The following RANBP1 variants were observed in gnomAD, a reference collection of about 807,000 sequenced individuals.
RANBP1 encodes the protein ran-specific GTPase-activating protein.
In RANBP1, 16 loss-of-function variants were observed where a neutral mutation model predicts 31.4. The observed-to-expected ratio is 0.51, with a 90% CI of 0.34 to 0.77. The LOEUF (loss-of-function observed/expected upper bound fraction) is 0.77. Ranked by LOEUF, RANBP1 falls within the 30% of genes least tolerant of loss-of-function variation. RANBP1 has a pLI of 0.01. For missense variants in RANBP1, 265 were observed against 362.0 expected, an observed-to-expected ratio of 0.73 and a Z score of 2.17; for synonymous variants, 129 against 140.5, an observed-to-expected ratio of 0.92 and a Z score of 0.58.
intron 3 of RANBP1, 77 bp downstream of exon 3, chr22:20,122,498 G>A (rs1198983662): frequency 1.2e-6 from 2 of 1,604,674 alleles, no homozygotes; most frequent in Admixed American, 3.4e-5. Flanking sequence ...AGGGCTGATT[G>A]GGAACTGGGG....
chr22:20,122,723 CTGTG>C (rs544097533), intron 3 of RANBP1: 16,930 of 925,302 alleles, frequency 0.018, 19 homozygotes, highest in Non-Finnish European at 0.02. Flanking sequence ...CGAGGGGGTG[CTGTG>C]TGTGTGTGTG....
At chr22:20,117,428 G>A in intron 1 of RANBP1, 2 of 1,199,844 alleles carry the variant, frequency 1.7e-6, no homozygotes, top group East Asian at 7.8e-5. Context: ...CAATGAGAGT[G>A]TCCGCCTCCT....
rs746279096 is a variant in RANBP1 at position 20,126,540 on chromosome 22, C to T, written c.736+172C>T. On this transcript the variant is annotated intron_variant, in intron 5 of 5. Coordinates refer to ENST00000430524, the MANE Select transcript of RANBP1 (RefSeq NM_001278639.2). The stretch of plus-strand genomic sequence containing the variant: ...GGGGACACAGGTGCTTCCTGGGGAG[C>T]CCTGAGCACTTGTCAGTGTTGCTGG... 4.1e-5 allele frequency: 65 copies of T among 1,572,854 alleles called. No homozygotes were observed. The East Asian group carries it at 1.2e-3, about 30-fold the overall frequency.
chr22:20,122,287 C>T lies in RANBP1; in HGVS notation c.407C>T (p.Ala136Val), dbSNP rs763921981. The T allele has an allele frequency of 1.2e-6, 2 of 1,612,992 alleles. No individual in the cohort carries two copies. The highest frequency in any genetic ancestry group is 1.7e-6 in the Non-Finnish European group (2 of 1,179,740). ...AGGCGGGCAAAACTGTTCCGATTTGCCTCTGAGAACGATCTCCCAGAATGG... is the reference window on the plus strand; with the variant it reads ...AGGCGGGCAAAACTGTTCCGATTTGTCTCTGAGAACGATCTCCCAGAATGG... ...FKMRAKLFRF[A>V]SENDLPEWKE... Residue 136 changes from alanine to valine, a missense_variant, in exon 3 of 6, where the codon GCC becomes GTC. By Grantham distance (64) the Ala-to-Val change is moderately conservative. This residue lies in a region of RANBP1 where 90 missense variants were observed against 190.5 expected (regional missense o/e 0.47). Coordinates refer to ENST00000430524, the MANE Select transcript of RANBP1 (RefSeq NM_001278639.2).
rs191063910 is a variant in RANBP1 at position 20,119,756 on chromosome 22, C to A, written c.383+607C>A. On this transcript the variant is annotated intron_variant, in intron 2 of 5. Transcript: ENST00000430524. ...GGTCTCGATCTCCTGACCTCATGATCTGCCCACCCCAGCCTCCCAAAGTGC... is the reference window on the plus strand; with the variant it reads ...GGTCTCGATCTCCTGACCTCATGATATGCCCACCCCAGCCTCCCAAAGTGC... Among the ~76,000 whole-genome samples the A allele has an allele frequency of 2.8e-3, 426 of 152,340 alleles. 3 individuals are homozygous for A. Among genetic ancestry groups the A allele is most frequent in the Non-Finnish European group, 2.7e-3 (184 of 68,036 alleles).
intron 4 of RANBP1, 49 bp from the exon 5 acceptor site, chr22:20,126,254 T>G: frequency 6.3e-7 from 1 of 1,586,686 alleles, no homozygotes; most frequent in East Asian, 2.2e-5. Context: ...AGGGCATGTC[T>G]CTTCCACTGC....
At chr22:20,126,711 A>G (rs1273136696) in intron 5 of RANBP1, 4 of 1,479,978 alleles carry the variant, frequency 2.7e-6, no homozygotes, top group African/African-American at 1.4e-5. Context: ...GCAAGTGACC[A>G]GATGTCACTG....
intron 3 of RANBP1, chr22:20,122,711 G>T: frequency 7.4e-7 from 1 of 1,350,410 alleles, no homozygotes; most frequent in East Asian, 4.2e-5. Flanking sequence ...AGTGCTGCAG[G>T]GCGAGGGGGT....
At chr22:20,122,174 C>T (rs1261059456) in intron 2 of RANBP1, 90 bp from the exon 3 acceptor site, 2 of 1,445,172 alleles carry the variant, frequency 1.4e-6, no homozygotes, top group Admixed American at 1.9e-5. Flanking sequence ...GCATGGGGTC[C>T]TGCAGTGCAG....
chr22:20,127,153 C>A lies in RANBP1; in HGVS notation c.*101C>A. On this transcript the variant is annotated 3_prime_UTR_variant, in exon 6 of 6. Coordinates refer to ENST00000430524, the MANE Select transcript of RANBP1 (RefSeq NM_001278639.2). Reference sequence around the variant, plus strand: ...GTTTGTTTTTATTCTTTCATTTTTACAAGGGACGTTATATAAAGAACTGAA... The same window carrying A: ...GTTTGTTTTTATTCTTTCATTTTTAAAAGGGACGTTATATAAAGAACTGAA... 3 of 948,148 alleles carry A rather than the reference C, an allele frequency of 3.2e-6. No individual in the cohort carries two copies. The highest frequency in any genetic ancestry group is 4.5e-6 in the Non-Finnish European group (3 of 661,550). 58.7% of individuals were successfully genotyped at this position (948,148 alleles called of 1,614,324 possible). A position where few individuals can be genotyped will look rare whatever the true frequency, so the allele number is the denominator to read the frequency against.
At chr22:20,117,323 G>C (rs996625380) in intron 1 of RANBP1, 1 of 1,088,382 alleles carries the variant, frequency 9.2e-7, no homozygotes, top group African/African-American at 1.7e-5. Context: ...ACGGAAGTGC[G>C]CGCGGGTGTC....
chr22:20,126,412 T>C, intron 5 of RANBP1, 44 bp downstream of exon 5: 1 of 1,613,610 alleles, frequency 6.2e-7, no homozygotes, highest in Middle Eastern at 1.7e-4. Context: ...GCAGACTCAC[T>C]CTGCATCTGA....
intron 1 of RANBP1, chr22:20,117,473 C>A: frequency 1.7e-6 from 2 of 1,194,906 alleles, no homozygotes; most frequent in South Asian, 2.3e-5. Flanking sequence ...TGAATCGCGG[C>A]GCGTTTCCCG....
intron 1 of RANBP1, chr22:20,118,411 T>A: frequency 1.1e-6 from 1 of 923,220 alleles, no homozygotes; most frequent in Non-Finnish European, 1.3e-6. Flanking sequence ...CGGTACAATT[T>A]ATCTAGTTAT....
intron 1 of RANBP1, chr22:20,116,766 C>T (rs912332472): frequency 7.0e-7 from 1 of 1,431,746 alleles, no homozygotes; most frequent in Admixed American, 2.0e-5. Context: ...ATTCCCGTCT[C>T]CTTTCCTCCC....
intron 2 of RANBP1, 41 bp downstream of exon 2, chr22:20,119,190 T>G: frequency 6.3e-7 from 1 of 1,591,842 alleles, no homozygotes; most frequent in East Asian, 2.2e-5. Flanking sequence ...TCTTTAAGGT[T>G]GAGGTTACAA....
At chr22:20,122,000 G>A (rs966699190) in intron 2 of RANBP1, among the ~76,000 whole-genome samples, 11 of 150,066 alleles carry the variant, frequency 7.3e-5, no homozygotes, top group Non-Finnish European at 1.2e-4. Flanking sequence ...CGGCCTCCCC[G>A]AATGCTGGGA....
chr22:20,116,208 C>T lies in RANBP1; in HGVS notation c.24C>T (p.Ala8=), dbSNP rs982782561. The change falls in exon 1 of 6, where the codon GCC becomes GCT. Residue 8 remains alanine, a synonymous_variant. Coordinates refer to ENST00000430524, the MANE Select transcript of RANBP1 (RefSeq NM_001278639.2). MGSALGR[A]RRTLSGRPFQ... ...CCATGGGGTCGGCCTTGGGCCGGGC[C>T]AGGCGCACACTGAGTGGGCGGCCTT... is the stretch of plus-strand genomic sequence containing the variant. 1.2e-6 allele frequency: 2 copies of T among 1,613,060 alleles called. No homozygotes were observed. The highest frequency in any genetic ancestry group is 1.7e-6 in the Non-Finnish European group (2 of 1,180,012).
chr22:20,116,726 G>T, intron 1 of RANBP1: 3 of 1,419,660 alleles, frequency 2.1e-6, no homozygotes, highest in Non-Finnish European at 2.9e-6. Context: ...ACTCAGCCCT[G>T]CCCCTCCCCC....
Sources: gnomAD v4.1 joint callset for allele counts (sites outside exome capture counted in the v4.1 genomes callset) on GRCh38, gnomAD v4.1.1 for gene constraint, gnomAD v4.1.1 regional missense constraint, MANE v1.5 for transcripts, NCBI Gene and HGNC (gene_info 2026-07-23, HGNC 2026-07-21) for gene names.